NXPE2: variants seen among roughly 807,000 people sequenced by gnomAD.
NXPE2 encodes the protein NXPE family member 2.
A neutral mutation model predicts 34.4 loss-of-function variants in NXPE2; 34 were observed. That is an observed-to-expected ratio of 0.99 (90% confidence interval 0.75 to 1.31). The LOEUF (loss-of-function observed/expected upper bound fraction) is 1.31, where lower values mean the gene tolerates loss of function less well. NXPE2 is among the 40% of genes most tolerant of loss of function. The pLI is 0.00. For synonymous variants in NXPE2, 235 were observed against 231.3 expected, an observed-to-expected ratio of 1.02 and a Z score of -0.15; for missense variants, 649 against 672.5, an observed-to-expected ratio of 0.97 and a Z score of 0.39.
the NXPE2 span, among the ~76,000 whole-genome samples, chr11:114,745,241 C>T: frequency 3.3e-5 from 5 of 152,258 alleles, no homozygotes; most frequent in East Asian, 9.6e-4. Context: ...GTTCTGCAGG[C>T]TGTACAAGAA....
the NXPE2 span, among the ~76,000 whole-genome samples, chr11:114,652,961 G>A: frequency 6.6e-6 from 1 of 152,118 alleles, no homozygotes; most frequent in South Asian, 2.1e-4. Context: ...TAAAAATCTG[G>A]AGCAAACAAA....
the NXPE2 span, among the ~76,000 whole-genome samples, chr11:114,487,776 G>T: frequency 6.6e-6 from 1 of 151,718 alleles, no homozygotes; most frequent in Non-Finnish European, 1.5e-5. Context: ...TGAAGTGATC[G>T]TATGGTTTTT....
the NXPE2 span, among the ~76,000 whole-genome samples, chr11:114,556,664 T>C: frequency 6.6e-6 from 1 of 152,018 alleles, no homozygotes; most frequent in Non-Finnish European, 1.5e-5. Context: ...GTTTTTGGCC[T>C]TTTTCTAGTG....
chr11:114,726,345 C>T, the NXPE2 span, among the ~76,000 whole-genome samples: 30 of 151,980 alleles, frequency 2.0e-4, no homozygotes, highest in East Asian at 5.4e-3. Flanking sequence ...AGGAAATTTT[C>T]TTCAAATTTA....
chr11:114,706,410 A>T lies in NXPE2; in HGVS notation c.1160A>T (p.Asp387Val). 1 of 1,532,456 alleles carries T rather than the reference A, an allele frequency of 6.5e-7. No homozygotes were observed. The allele number at this position is 1,532,456 out of a possible 1,614,324, so 94.9% of individuals were successfully genotyped here. The change falls in exon 6 of 6, where the codon GAT becomes GTT. Residue 387 changes from aspartate (D) to valine (V), a missense_variant. Coordinates refer to ENST00000389586, the MANE Select transcript of NXPE2 (RefSeq NM_182495.6). ...QKAVKTLKYFDHHGAGIFKTH... is the reference protein window; with the variant it reads ...QKAVKTLKYFVHHGAGIFKTH... ...CTTTCATCAGCCCTAAAATATTTTGATCATCATGGAGCTGGGATCTTTAAA... is the reference window on the plus strand; with the variant it reads ...CTTTCATCAGCCCTAAAATATTTTGTTCATCATGGAGCTGGGATCTTTAAA...
At chr11:114,478,839 T>A in the NXPE2 span, among the ~76,000 whole-genome samples, 1 of 152,202 alleles carries the variant, frequency 6.6e-6, no homozygotes, top group Non-Finnish European at 1.5e-5. Flanking sequence ...AAATGTCAGA[T>A]GTTGTGCCTA....
At chr11:114,639,714 T>C in the NXPE2 span, among the ~76,000 whole-genome samples, 3 of 131,550 alleles carry the variant, frequency 2.3e-5, no homozygotes, top group Admixed American at 1.8e-4. Flanking sequence ...TTCTATAATA[T>C]ATAATATAGT....
chr11:114,541,048 CA>C, the NXPE2 span, among the ~76,000 whole-genome samples: 1 of 151,720 alleles, frequency 6.6e-6, no homozygotes, highest in Admixed American at 6.6e-5. Context: ...AGACCCAAAG[CA>C]ATCTGCAGCT....
the NXPE2 span, among the ~76,000 whole-genome samples, chr11:114,632,631 A>G: frequency 1.0e-5 from 1 of 99,744 alleles, no homozygotes; most frequent in Non-Finnish European, 1.8e-5. Flanking sequence ...TTTATATATA[A>G]TAAATGTAAA....
chr11:114,592,863 T>C, the NXPE2 span, among the ~76,000 whole-genome samples: 4 of 151,964 alleles, frequency 2.6e-5, no homozygotes, highest in African/African-American at 9.7e-5. Context: ...AACACAGAAA[T>C]GAATCCACAT....
At chr11:114,565,092 G>A in the NXPE2 span, among the ~76,000 whole-genome samples, 1 of 152,150 alleles carries the variant, frequency 6.6e-6, no homozygotes, top group African/African-American at 2.4e-5. Flanking sequence ...ACAGATGTCA[G>A]GATTCTCCTA....
chr11:114,569,057 G>A, the NXPE2 span, among the ~76,000 whole-genome samples: 1 of 152,132 alleles, frequency 6.6e-6, no homozygotes, highest in Non-Finnish European at 1.5e-5. Flanking sequence ...AATAGAAAAT[G>A]TATTATCTCC....
chr11:114,636,174 T>G, the NXPE2 span, among the ~76,000 whole-genome samples: 2 of 152,018 alleles, frequency 1.3e-5, no homozygotes, highest in Admixed American at 1.3e-4. Flanking sequence ...ATTCAACTTC[T>G]TCCTGGTTTA....
the NXPE2 span, among the ~76,000 whole-genome samples, chr11:114,563,608 C>T: frequency 6.6e-6 from 1 of 152,248 alleles, no homozygotes; most frequent in South Asian, 2.1e-4. Flanking sequence ...CTACAAGGAA[C>T]TCAAACGAAT....
At chr11:114,597,595 C>A in the NXPE2 span, among the ~76,000 whole-genome samples, 1 of 152,142 alleles carries the variant, frequency 6.6e-6, no homozygotes, top group Admixed American at 6.5e-5. Context: ...GAAGCAATGA[C>A]ACCTAGTGCC....
At chr11:114,781,027 GGGGAGACTTACGA>G in the NXPE2 span, among the ~76,000 whole-genome samples, 1 of 152,188 alleles carries the variant, frequency 6.6e-6, no homozygotes, top group African/African-American at 2.4e-5. Flanking sequence ...TGGGAAGCCA[GGGGAGACTTACGA>G]GGTATGGAGT....
chr11:114,695,731 G>T lies in NXPE2; in HGVS notation c.133-2314G>T, dbSNP rs187408184. Among the ~76,000 whole-genome samples, 180 of 152,142 alleles carry T rather than the reference G, an allele frequency of 1.2e-3. 2 individuals carry two copies. The highest frequency in any genetic ancestry group is 3.8e-3 in the Admixed American group (58 of 15,288). ...AAATTGGCCGGGCACAGTGGCTAAC[G>T]CCTGTAATCCCTGCACTTTGGGAGG... On this transcript the variant is annotated intron_variant, in intron 2 of 5. Coordinates refer to ENST00000389586, the MANE Select transcript of NXPE2 (RefSeq NM_182495.6).
At chr11:114,797,116 C>T in the NXPE2 span, among the ~76,000 whole-genome samples, 2 of 152,134 alleles carry the variant, frequency 1.3e-5, no homozygotes, top group African/African-American at 2.4e-5. Context: ...TATTCAGTAT[C>T]GCATGACTCA....
At chr11:114,488,886 C>CA in the NXPE2 span, among the ~76,000 whole-genome samples, 1,486 of 151,962 alleles carry the variant, frequency 9.8e-3, 28 homozygotes, top group African/African-American at 0.034. Flanking sequence ...GATAGAGACA[C>CA]AAAAAACCCT....
Sources: allele counts gnomAD v4.1 joint callset (sites outside exome capture counted in the v4.1 genomes callset), GRCh38; gene constraint gnomAD v4.1.1; transcripts MANE v1.5; gene names NCBI Gene and HGNC (gene_info 2026-07-23, HGNC 2026-07-21).